RNF39: variants seen among roughly 807,000 people sequenced by gnomAD.
RNF39 encodes the protein LTP (long-term potentiation) induced RING finger protein.
RNF39 carries 25 observed loss-of-function variants against 29.2 expected under a neutral mutation model. That is an observed-to-expected ratio of 0.86 (90% confidence interval 0.62 to 1.20). The LOEUF (loss-of-function observed/expected upper bound fraction) is 1.20. RNF39 is among the 50% of genes most tolerant of loss of function. RNF39 has a pLI of 0.00. For synonymous variants in RNF39, 219 were observed against 229.0 expected, an observed-to-expected ratio of 0.96 and a Z score of 0.40; for missense variants, 519 against 515.0, an observed-to-expected ratio of 1.01 and a Z score of -0.08.
Position 30,074,332 on chromosome 6 carries a change from T to A in RNF39, c.364-854A>T, listed in dbSNP as rs1766232681. ...CAAGACCCAAGACCAGCTTGGCTGC[T>A]GGGAAGAAGCCAGTCAGGAGTCCCA... On this transcript the variant is annotated intron_variant, in intron 1 of 3. Coordinates refer to ENST00000244360, the MANE Select transcript of RNF39 (RefSeq NM_025236.4). The surrounding 1 kb of genome is among the most constrained non-coding windows in gnomAD (Gnocchi z 4.1). Among the ~76,000 whole-genome samples the A allele has an allele frequency of 6.6e-6, 1 of 152,140 alleles. No individual in the cohort carries two copies. The highest frequency in any genetic ancestry group is 2.1e-4 in the South Asian group (1 of 4,824).
rs1247030100 is a variant in RNF39 at position 30,074,120 on chromosome 6, G to A, written c.364-642C>T. 1.3e-5 allele frequency among the ~76,000 whole-genome samples: 2 copies of A among 152,228 alleles called. No individual in the cohort carries two copies. The highest frequency in any genetic ancestry group is 2.9e-5 in the Non-Finnish European group (2 of 68,044). ...GCCCAGCAGATCCACAGAGTACTAT[G>A]GGAGCCAGGAGAGGGCACTGGATGC... is the stretch of plus-strand genomic sequence containing the variant. On this transcript the variant is annotated intron_variant, in intron 1 of 3. Coordinates refer to ENST00000244360, the MANE Select transcript of RNF39 (RefSeq NM_025236.4). This position sits in a 1 kb window ranked among gnomAD's most constrained non-coding sequence, Gnocchi z 4.1.
rs200295803 is a variant in RNF39 at position 30,075,626 on chromosome 6, G to A, written c.-41C>T. ...GGACGCCGCCCCTTCCGCGACCACC[G>A]TGACCGCCTTCGAGCGCGCAGATGG... On this transcript the variant is annotated 5_prime_UTR_variant, in exon 1 of 4. In the 5' UTR this introduces an upstream ATG that the reference lacks. Coordinates refer to ENST00000244360, the MANE Select transcript of RNF39 (RefSeq NM_025236.4). 3 of 1,610,614 alleles carry A rather than the reference G, an allele frequency of 1.9e-6. No homozygotes were observed. Among genetic ancestry groups the A allele is most frequent in the Middle Eastern group, 1.7e-4 (1 of 6,058 alleles).
rs1288937134 is a variant in RNF39 at position 30,072,207 on chromosome 6, G to C, written c.479-516C>G. 6.6e-6 allele frequency among the ~76,000 whole-genome samples: 1 copy of C among 152,148 alleles called. No homozygotes were observed. The highest frequency in any genetic ancestry group is 1.5e-5 in the Non-Finnish European group (1 of 68,014). The stretch of plus-strand genomic sequence containing the variant: ...TGAGAAACCAGCCCACCCACCCACA[G>C]GAATTGGGGGGTGGGGTGGACAGTC... On this transcript the variant is annotated intron_variant, in intron 3 of 3. Coordinates refer to ENST00000244360, the MANE Select transcript of RNF39 (RefSeq NM_025236.4). The surrounding 1 kb of genome is among the most constrained non-coding windows in gnomAD (Gnocchi z 4.5).
chr6:30,072,711 G>A lies in RNF39; in HGVS notation c.478+446C>T, dbSNP rs1479830854. ...GTTGAAGTCCTCCAAACCTCAGAAT[G>A]TTACCTTGTTTTGAAACAGGATCTT... On this transcript the variant is annotated intron_variant, in intron 3 of 3. Coordinates refer to ENST00000244360, the MANE Select transcript of RNF39 (RefSeq NM_025236.4). This position sits in a 1 kb window ranked among gnomAD's most constrained non-coding sequence, Gnocchi z 4.5. Among the ~76,000 whole-genome samples the A allele has an allele frequency of 1.3e-5, 2 of 152,168 alleles. No homozygotes were observed. The highest frequency in any genetic ancestry group is 1.5e-5 in the Non-Finnish European group (1 of 68,026).
chr6:30,073,558 C>CA (rs900128667), intron 1 of RNF39, 80 bp from the exon 2 acceptor site: 50 of 1,513,570 alleles, frequency 3.3e-5, no homozygotes, highest in Non-Finnish European at 4.3e-5. Context: ...CTCCCCTCCT[C>CA]AGGTGAGTTC....
In RNF39 at chr6:30,075,653, G is replaced by C. The variant is rs531494342; in HGVS notation, c.-68C>G. ...GACCGCCTTCGAGCGCGCAGATGGC[G>C]GGCCGCCCCTGCTGCTTGCTGTGTA... On this transcript the variant is annotated 5_prime_UTR_variant, in exon 1 of 4. Coordinates refer to ENST00000244360, the MANE Select transcript of RNF39 (RefSeq NM_025236.4). 6.2e-7 allele frequency: 1 copy of C among 1,613,338 alleles called. No homozygotes were observed. The highest frequency in any genetic ancestry group is 1.7e-5 in the Admixed American group (1 of 59,990).
rs1766160266 is a variant in RNF39 at position 30,073,465 on chromosome 6, G to A, written c.377C>T (p.Thr126Ile). The A allele has an allele frequency of 6.2e-7, 1 of 1,614,022 alleles. No individual in the cohort carries two copies. Among genetic ancestry groups the A allele is most frequent in the Non-Finnish European group, 8.5e-7 (1 of 1,180,010 alleles). The change falls in exon 2 of 4, where the codon ACA (threonine) becomes ATA (isoleucine). Residue 126 changes from threonine (T) to isoleucine (I), a missense_variant. Transcript: ENST00000244360. Reference sequence around the variant, plus strand: ...GAAAAGTGGAACTCACCGTCTCCATGTCTTCCTCATATCCTAGGATGGGCA... The same window carrying A: ...GAAAAGTGGAACTCACCGTCTCCATATCTTCCTCATATCCTAGGATGGGCA... Reference protein sequence around the residue: ...LDLPGEDMRKTWRRFEVPTSK... With the variant: ...LDLPGEDMRKIWRRFEVPTSK...
At chr6:30,075,151 A>T in intron 1 of RNF39, 72 bp downstream of exon 1, 2 of 1,440,042 alleles carry the variant, frequency 1.4e-6, no homozygotes, top group Non-Finnish European at 1.9e-6. Flanking sequence ...CCGGCTCCAG[A>T]CGTGCCATTC....
Position 30,075,279 on chromosome 6 carries a change from C to T in RNF39, c.307G>A (p.Gly103Arg). 6.3e-7 allele frequency: 1 copy of T among 1,598,924 alleles called. No individual in the cohort carries two copies. The highest frequency in any genetic ancestry group is 8.5e-7 in the Non-Finnish European group (1 of 1,175,884). ...GGGATGCGCCCCCCTCGGCGTCTCC[C>T]CGCACGGGCCCCAGGCTCAGCCAGC... ...EKLAEPGARA[G>R]RRRGGRIPTM... Residue 103 changes from glycine to arginine, a missense_variant, in exon 1 of 4, where the codon GGG becomes AGG. Gly to Arg is a moderately radical substitution (Grantham distance 125). Coordinates refer to ENST00000244360, the MANE Select transcript of RNF39 (RefSeq NM_025236.4).
rs1208009024 is a variant in RNF39, at chr6:30,072,928, C to A, written c.478+229G>T. Among the ~76,000 whole-genome samples, 1 of 152,126 alleles carries A rather than the reference C, an allele frequency of 6.6e-6. No individual in the cohort carries two copies. Among genetic ancestry groups the A allele is most frequent in the African/African-American group, 2.4e-5 (1 of 41,422 alleles). On this transcript the variant is annotated intron_variant, in intron 3 of 3. Transcript: ENST00000244360. This position sits in a 1 kb window ranked among gnomAD's most constrained non-coding sequence, Gnocchi z 4.5. The stretch of plus-strand genomic sequence containing the variant: ...CATGGAACAGATTCTGTCTCATGGC[C>A]GTCAGAAGGAACCAACACTGCTGAC...
At position 30,074,085 on chromosome 6, in the gene RNF39, G is replaced by A. The variant is rs970962911; in HGVS notation, c.364-607C>T. On this transcript the variant is annotated intron_variant, in intron 1 of 3. Transcript: ENST00000244360. The surrounding 1 kb of genome is among the most constrained non-coding windows in gnomAD (Gnocchi z 4.1). The stretch of plus-strand genomic sequence containing the variant: ...CAGGGAGGCAGCTAGACTTGAATGT[G>A]TCCCAAAAGGCCCAGCAGATCCACA... 6.6e-6 allele frequency among the ~76,000 whole-genome samples: 1 copy of A among 152,174 alleles called. No homozygotes were observed. Among genetic ancestry groups the A allele is most frequent in the African/African-American group, 2.4e-5 (1 of 41,434 alleles).
Position 30,075,536 on chromosome 6 carries a change from A to C in RNF39, c.50T>G (p.Leu17Arg). The C allele has an allele frequency of 6.3e-7, 1 of 1,591,712 alleles. No homozygotes were observed. ...GPGLVERLEQ[L>R]ATCPLCGGSF... ...GCCCCCGCACAGAGGACACGTCGCC[A>C]GCTGCTCCAGACGCTCCACCAGCCC... Residue 17 changes from leucine (L) to arginine (R), a missense_variant, in exon 1 of 4, where the codon CTG becomes CGG. By Grantham distance (102) the Leu-to-Arg change is moderately radical. Coordinates refer to ENST00000244360, the MANE Select transcript of RNF39 (RefSeq NM_025236.4).
At position 30,075,582 on chromosome 6, in the gene RNF39, C is replaced by G. The variant is rs141667762; in HGVS notation, c.4G>C (p.Asp2His). The change falls in exon 1 of 4, where the codon GAT becomes CAT. Residue 2 changes from aspartate (D) to histidine (H), a missense_variant. Coordinates refer to ENST00000244360, the MANE Select transcript of RNF39 (RefSeq NM_025236.4). MDAPELGPGLVE... is the reference protein window; with the variant it reads MHAPELGPGLVE... ...AGCCCCGGGCCCAGCTCGGGCGCAT[C>G]CATGGAAAGCCAGGATCTGGACGCC... is the stretch of plus-strand genomic sequence containing the variant. 5.4e-5 allele frequency: 87 copies of G among 1,608,144 alleles called. 1 individual carries two copies. In the African/African-American group the frequency reaches 1.1e-3, roughly 20 times the overall value.
rs9261295 is a variant in RNF39, at chr6:30,071,885, G to T, written c.479-194C>A. Among the ~76,000 whole-genome samples the T allele has an allele frequency of 0.17, 25,883 of 152,134 alleles. 2,720 individuals carry two copies. Among genetic ancestry groups the T allele is most frequent in the African/African-American group, 0.27 (11,363 of 41,464 alleles). On this transcript the variant is annotated intron_variant, in intron 3 of 3. Coordinates refer to ENST00000244360, the MANE Select transcript of RNF39 (RefSeq NM_025236.4). The surrounding 1 kb of genome is among the most constrained non-coding windows in gnomAD (Gnocchi z 5.0). ...GCAGACCTGGGCAATATCAGACCTTGTACTGATGCACCACTTCTGTAGAAT... is the reference window on the plus strand; with the variant it reads ...GCAGACCTGGGCAATATCAGACCTTTTACTGATGCACCACTTCTGTAGAAT...
Position 30,070,613 on chromosome 6 carries a change from A to C in RNF39, c.*498T>G. The C allele has an allele frequency of 2.9e-6, 1 of 342,432 alleles. No individual in the cohort carries two copies. Among genetic ancestry groups the C allele is most frequent in the Non-Finnish European group, 5.8e-6 (1 of 173,274 alleles). 21.2% of individuals were successfully genotyped at this position (342,432 alleles called of 1,614,324 possible). A position where few individuals can be genotyped will look rare whatever the true frequency, so the allele number is the denominator to read the frequency against. On this transcript the variant is annotated 3_prime_UTR_variant, in exon 4 of 4. Transcript: ENST00000244360. ...GAGGTACAAAGCTTCCCAGAGGGCCACAGGGCCCAGACCAGAGTCAAGCCT... is the reference window on the plus strand; with the variant it reads ...GAGGTACAAAGCTTCCCAGAGGGCCCCAGGGCCCAGACCAGAGTCAAGCCT...
rs1376404052 is a variant in RNF39 at position 30,075,485 on chromosome 6, G to T, written c.101C>A (p.Ala34Glu). The change falls in exon 1 of 4, where the codon GCG (alanine) becomes GAG (glutamate). Residue 34 changes from alanine (A) to glutamate (E), a missense_variant. Transcript: ENST00000244360. ...CGCGCGGCAGAAGCTGTGCTCGCAC[G>T]CCAGAAGCACCGGGTCCTCGAAGGA... Reference protein sequence around the residue: ...GGSFEDPVLLACEHSFCRACL... With the variant: ...GGSFEDPVLLECEHSFCRACL... 2 of 1,554,804 alleles carry T rather than the reference G, an allele frequency of 1.3e-6. No individual in the cohort carries two copies. The highest frequency in any genetic ancestry group is 2.4e-5 in the East Asian group (1 of 41,502).
Position 30,071,936 on chromosome 6 carries a change from C to T in RNF39, c.479-245G>A, listed in dbSNP as rs1379549246. ...TGGACCTGGGGAAGGATCATACTGG[C>T]CCAGTGCAGGGAGCACAGCAGGAAG... On this transcript the variant is annotated intron_variant, in intron 3 of 3. Coordinates refer to ENST00000244360, the MANE Select transcript of RNF39 (RefSeq NM_025236.4). This position sits in a 1 kb window ranked among gnomAD's most constrained non-coding sequence, Gnocchi z 5.0. 2.0e-5 allele frequency among the ~76,000 whole-genome samples: 3 copies of T among 152,094 alleles called. No homozygotes were observed. Among genetic ancestry groups the T allele is most frequent in the Admixed American group, 2.0e-4 (3 of 15,272 alleles).
intron 2 of RNF39, 51 bp from the exon 3 acceptor site, chr6:30,073,299 C>G (rs761134265): frequency 6.7e-7 from 1 of 1,487,420 alleles, no homozygotes; most frequent in Admixed American, 1.7e-5. Flanking sequence ...ATCCTAATGC[C>G]CCCACGCATA....
Position 30,071,636 on chromosome 6 carries a change from G to C in RNF39, c.534C>G (p.Asp178Glu). The C allele has an allele frequency of 2.1e-6, 3 of 1,435,600 alleles. No homozygotes were observed. The highest frequency in any genetic ancestry group is 2.7e-6 in the Non-Finnish European group (3 of 1,101,490). The allele number at this position is 1,435,600 out of a possible 1,614,324, so 88.9% of individuals were successfully genotyped here. The change falls in exon 4 of 4, where the codon GAC becomes GAG. Residue 178 changes from aspartate to glutamate, a missense_variant. Transcript: ENST00000244360. The surrounding 1 kb of genome is among the most constrained non-coding windows in gnomAD (Gnocchi z 5.0). ...GTGGGGCCAGTTGTACGCTGCGGCG[G>C]TCGGCGGAGATGAGCAGGCGGCGGT... Reference protein sequence around the residue: ...TAHRRLLISADRRSVQLAPPG... With the variant: ...TAHRRLLISAERRSVQLAPPG...
Sources: gnomAD v4.1 joint callset for allele counts (sites outside exome capture counted in the v4.1 genomes callset) on GRCh38, gnomAD v4.1.1 for gene constraint, Gnocchi (gnomAD v3.1) non-coding constraint, MANE v1.5 for transcripts, NCBI Gene and HGNC (gene_info 2026-07-23, HGNC 2026-07-21) for gene names.